The following HTR7 variants were observed in gnomAD, a reference collection of about 807,000 sequenced individuals.
HTR7 encodes the protein 5-HT-7.
Under a neutral mutation model 34.0 loss-of-function variants are expected in HTR7, and 16 were observed. That is an observed-to-expected ratio of 0.47 (90% CI 0.32 to 0.71). The LOEUF (loss-of-function observed/expected upper bound fraction) is 0.71. HTR7 is among the 30% of genes least tolerant of loss of function. The pLI, the probability that HTR7 is intolerant of heterozygous loss-of-function variation, is 0.04. For missense variants in HTR7, 504 were observed against 625.5 expected (o/e 0.81, Z 2.07); for synonymous variants, 265 against 260.2 (o/e 1.02, Z -0.18).
rs770841877 is a variant in HTR7 at position 90,857,710 on chromosome 10, C to G, written c.-39G>C. 17 of 1,441,340 alleles carry G rather than the reference C, an allele frequency of 1.2e-5. No individual in the cohort carries two copies. In the African/African-American group the frequency reaches 1.2e-4, roughly 10 times the overall value. The allele number at this position is 1,441,340 out of a possible 1,614,324, so 89.3% of individuals were successfully genotyped here. A position where few individuals can be genotyped will look rare whatever the true frequency, so the allele number is the denominator to read the frequency against. On this transcript the variant is annotated 5_prime_UTR_variant, in exon 1 of 4. Coordinates refer to ENST00000336152, the MANE Select transcript of HTR7 (RefSeq NM_019859.4). This position sits in a 1 kb window ranked among gnomAD's most constrained non-coding sequence, Gnocchi z 6.5. ...GCCGCTGCCCATGGAGCCGGCGCCC[C>G]GGCCACGCGCCTCCGGCTGCCGGCC...
At chr10:90,826,862 A>G (rs1846084210) in intron 1 of HTR7, among the ~76,000 whole-genome samples, 1 of 152,120 alleles carries the variant, frequency 6.6e-6, no homozygotes, top group East Asian at 1.9e-4. Context: ...GCATGAACCC[A>G]GGAGGCGGAG....
chr10:90,851,604 CAAAAAAAAAAAAA>C (rs34310653), intron 1 of HTR7, among the ~76,000 whole-genome samples: 5 of 69,208 alleles, frequency 7.2e-5, no homozygotes, highest in Admixed American at 3.6e-4. Context: ...GACTCCGTCC[CAAAAAAAAAAAAA>C]AAAAAAAAAA....
rs1291045863 is a variant in HTR7, at chr10:90,743,884, T to C, written c.1296-194A>G. ...AAGTATTCACAGCTTTTCCTCCATC[T>C]ATTCACTTCATTACCCCAGGGAAAA... is the stretch of plus-strand genomic sequence containing the variant. On this transcript the variant is annotated intron_variant, in intron 2 of 3. Transcript: ENST00000336152. 8 of 702,706 alleles carry C rather than the reference T, an allele frequency of 1.1e-5. No homozygotes were observed. In the East Asian group the frequency reaches 2.2e-4, roughly 20 times the overall value. 43.5% of individuals were successfully genotyped at this position (702,706 alleles called of 1,614,324 possible). A position where few individuals can be genotyped will look rare whatever the true frequency, so the allele number is the denominator to read the frequency against.
chr10:90,846,510 G>A (rs942397096), intron 1 of HTR7, among the ~76,000 whole-genome samples: 3 of 152,152 alleles, frequency 2.0e-5, no homozygotes, highest in African/African-American at 4.8e-5. Context: ...AGTCCTCCAC[G>A]ATCCAGGCTA....
chr10:90,825,080 A>G (rs1236260412), intron 1 of HTR7, among the ~76,000 whole-genome samples: 1 of 152,238 alleles, frequency 6.6e-6, no homozygotes, highest in Non-Finnish European at 1.5e-5. Flanking sequence ...ATACAGGGCT[A>G]CTTATATAAC....
intron 1 of HTR7, among the ~76,000 whole-genome samples, chr10:90,844,954 G>A (rs1846391642): frequency 1.3e-5 from 2 of 151,906 alleles, no homozygotes; most frequent in Non-Finnish European, 2.9e-5. Context: ...TGTGCACCCC[G>A]CATTAACAGG....
At chr10:90,830,285 TA>T (rs1846146806) in intron 1 of HTR7, among the ~76,000 whole-genome samples, 2 of 152,180 alleles carry the variant, frequency 1.3e-5, no homozygotes, top group Non-Finnish European at 2.9e-5. Flanking sequence ...CTGCAATTAT[TA>T]AAGAACAAAA....
intron 1 of HTR7, among the ~76,000 whole-genome samples, chr10:90,772,654 T>C (rs1263579689): frequency 1.3e-5 from 2 of 152,218 alleles, no homozygotes; most frequent in Non-Finnish European, 2.9e-5. Context: ...CACATGTATC[T>C]ACCCAGAAAC....
At chr10:90,852,160 AC>A (rs1374548817) in intron 1 of HTR7, among the ~76,000 whole-genome samples, 1 of 150,174 alleles carries the variant, frequency 6.7e-6, no homozygotes, top group African/African-American at 2.5e-5. Context: ...GGAGTTCAAG[AC>A]CAGCCTGGGC....
chr10:90,806,276 G>A (rs910009392), intron 1 of HTR7, among the ~76,000 whole-genome samples: 1 of 152,152 alleles, frequency 6.6e-6, no homozygotes, highest in South Asian at 2.1e-4. Flanking sequence ...GTCATCCATG[G>A]TATGGAGCTG....
intron 1 of HTR7, among the ~76,000 whole-genome samples, chr10:90,836,465 T>C (rs1328404248): frequency 6.6e-6 from 1 of 152,188 alleles, no homozygotes; most frequent in Non-Finnish European, 1.5e-5. Flanking sequence ...GGTGTTTATA[T>C]GAGTCAAGCC....
Position 90,829,596 on chromosome 10 carries a change from T to C in HTR7, c.539+27537A>G, listed in dbSNP as rs76084743. 7.1e-3 allele frequency among the ~76,000 whole-genome samples: 1,079 copies of C among 152,264 alleles called. 7 individuals are homozygous for C. Among genetic ancestry groups the C allele is most frequent in the Non-Finnish European group, 0.011 (765 of 68,010 alleles). ...GATCCCCACTTTTTGCCACTGTTAT[T>C]CAACACAGTACTGGAAGTCCTAGCT... On this transcript the variant is annotated intron_variant, in intron 1 of 3. Transcript: ENST00000336152.
intron 1 of HTR7, among the ~76,000 whole-genome samples, chr10:90,766,344 C>A (rs549361582): frequency 1.3e-5 from 2 of 152,318 alleles, no homozygotes; most frequent in African/African-American, 4.8e-5. Context: ...CACTGCTACT[C>A]TCTTTTGGTA....
chr10:90,836,671 C>A (rs1452122683), intron 1 of HTR7, among the ~76,000 whole-genome samples: 1 of 151,420 alleles, frequency 6.6e-6, no homozygotes, highest in African/African-American at 2.4e-5. Context: ...ACCACCACAC[C>A]AGAATTTTTT....
At chr10:90,772,748 G>T (rs1444030785) in intron 1 of HTR7, among the ~76,000 whole-genome samples, 1 of 152,114 alleles carries the variant, frequency 6.6e-6, no homozygotes, top group Non-Finnish European at 1.5e-5. Flanking sequence ...AGCAGAACAA[G>T]AACAAAATTA....
At chr10:90,772,657 C>T (rs72809089) in intron 1 of HTR7, among the ~76,000 whole-genome samples, 299 of 152,162 alleles carry the variant, frequency 2.0e-3, no homozygotes, top group Non-Finnish European at 3.9e-3. Context: ...ATGTATCTAC[C>T]CAGAAACCCA....
chr10:90,769,955 T>C (rs535356849), intron 1 of HTR7, among the ~76,000 whole-genome samples: 2 of 152,234 alleles, frequency 1.3e-5, no homozygotes, highest in East Asian at 3.9e-4. Flanking sequence ...AGCAAGGAGG[T>C]GCGAGTGGTG....
chr10:90,857,660 A>G lies in HTR7; in HGVS notation c.12T>C (p.Val4=), dbSNP rs1484433245. 1 of 1,580,500 alleles carries G rather than the reference A, an allele frequency of 6.3e-7. No homozygotes were observed. The highest frequency in any genetic ancestry group is 1.4e-5 in the African/African-American group (1 of 72,896). Residue 4 remains valine, a synonymous_variant, in exon 1 of 4, where the codon GTT becomes GTC. Coordinates refer to ENST00000336152, the MANE Select transcript of HTR7 (RefSeq NM_019859.4). The surrounding 1 kb of genome is among the most constrained non-coding windows in gnomAD (Gnocchi z 6.5). The part of the protein sequence containing the change: MMD[V]NSSGRPDLYG... ...AGAGGTCCGGGCGGCCGCTGCTGTT[A>G]ACGTCCATCATCGCGCCGCCGTGTG...
intron 1 of HTR7, among the ~76,000 whole-genome samples, chr10:90,820,419 C>G (rs981615172): frequency 6.6e-6 from 1 of 152,118 alleles, no homozygotes; most frequent in African/African-American, 2.4e-5. Flanking sequence ...CTTCAGACCA[C>G]CATTAGTGCT....
Sources: gnomAD v4.1 joint callset for allele counts (sites outside exome capture counted in the v4.1 genomes callset) on GRCh38, gnomAD v4.1.1 for gene constraint, Gnocchi (gnomAD v3.1) non-coding constraint, MANE v1.5 for transcripts, NCBI Gene and HGNC (gene_info 2026-07-23, HGNC 2026-07-21) for gene names.